Variants in PRORP observed in about 807,000 individuals in gnomAD.
PRORP encodes the protein mitochondrial ribonuclease P catalytic subunit.
A neutral mutation model predicts 59.4 loss-of-function variants in PRORP; 51 were observed. The ratio of observed to expected loss-of-function variants is 0.86; its 90% CI spans 0.69 to 1.08. The LOEUF is 1.08. PRORP is among the 50% of genes least tolerant of loss of function. The probability of loss-of-function intolerance (pLI) is 0.00; values close to 1 mark genes in which losing one functional copy is unlikely to be tolerated. For missense variants in PRORP, 646 were observed against 690.3 expected (o/e 0.94, Z 0.72); for synonymous variants, 231 against 245.6 (o/e 0.94, Z 0.55).
At chr14:35,125,520 T>C (rs1302111124) in intron 2 of PRORP, among the ~76,000 whole-genome samples, 2 of 152,186 alleles carry the variant, frequency 1.3e-5, no homozygotes, top group Admixed American at 1.3e-4. Flanking sequence ...CCATGCTTAG[T>C]CATTATTTCT....
chr14:35,252,190 TGAG>T (rs1403468173), intron 5 of PRORP, among the ~76,000 whole-genome samples: 10 of 152,024 alleles, frequency 6.6e-5, no homozygotes, highest in African/African-American at 2.4e-4. Context: ...TTTGGGAGGC[TGAG>T]GAGGGAGGAC....
At chr14:35,190,130 A>G (rs28398414) in intron 5 of PRORP, among the ~76,000 whole-genome samples, 4,433 of 143,056 alleles carry the variant, frequency 0.031, 191 homozygotes, top group African/African-American at 0.1. Flanking sequence ...TGGGCGCAGT[A>G]TCTCATGCCT....
At chr14:35,169,704 G>A (rs2138986966) in intron 4 of PRORP, among the ~76,000 whole-genome samples, 1 of 152,224 alleles carries the variant, frequency 6.6e-6, no homozygotes, top group East Asian at 1.9e-4. Flanking sequence ...TCAACACCTG[G>A]GGATTACAAT....
In PRORP at chr14:35,270,445, G is replaced by A; in HGVS notation, c.1469G>A (p.Gly490Glu). 1 of 1,614,070 alleles carries A rather than the reference G, an allele frequency of 6.2e-7. No homozygotes were observed. Among genetic ancestry groups the A allele is most frequent in the Non-Finnish European group, 8.5e-7 (1 of 1,180,022 alleles). The change falls in exon 7 of 8, where the codon GGG (glycine) becomes GAG (glutamate). Residue 490 changes from glycine to glutamate, a missense_variant. Coordinates refer to ENST00000534898, the MANE Select transcript of PRORP (RefSeq NM_014672.4). ...PFLLYATLHSGNHCRFITRDL... is the reference protein window; with the variant it reads ...PFLLYATLHSENHCRFITRDL... ...CTTCTGTATGCCACACTGCACTCCG[G>A]GAATCACTGCAGGTTTATCACAAGA...
At chr14:35,190,548 C>T (rs999459497) in intron 5 of PRORP, among the ~76,000 whole-genome samples, 15 of 152,010 alleles carry the variant, frequency 9.9e-5, no homozygotes, top group Non-Finnish European at 2.9e-5. Context: ...CTCTGTCACC[C>T]AGGCTGGAGT....
At chr14:35,238,019 G>A (rs1329436561) in intron 5 of PRORP, among the ~76,000 whole-genome samples, 1 of 151,846 alleles carries the variant, frequency 6.6e-6, no homozygotes, top group Non-Finnish European at 1.5e-5. Flanking sequence ...TAAATACAGT[G>A]CACATAGCCA....
rs112877428 is a variant in PRORP at position 35,184,115 on chromosome 14, A to G, written c.1275+3338A>G. ...TACACATTTTTCTCGGTCCTTTTAC[A>G]TTAATGGTTGATTATATATCTAGTA... is the stretch of plus-strand genomic sequence containing the variant. On this transcript the variant is annotated intron_variant, in intron 5 of 7. Transcript: ENST00000534898. Among the ~76,000 whole-genome samples, 4 of 152,000 alleles carry G rather than the reference A, an allele frequency of 2.6e-5. 1 individual carries two copies. The highest frequency in any genetic ancestry group is 9.6e-5 in the African/African-American group (4 of 41,470).
At chr14:35,241,317 G>C (rs1288709690) in intron 5 of PRORP, among the ~76,000 whole-genome samples, 3 of 152,068 alleles carry the variant, frequency 2.0e-5, no homozygotes, top group Non-Finnish European at 4.4e-5. Flanking sequence ...AGCAGAGGTT[G>C]CAGTGAGCTG....
At chr14:35,234,705 G>A (rs1287809515) in intron 5 of PRORP, among the ~76,000 whole-genome samples, 1 of 142,958 alleles carries the variant, frequency 7.0e-6, no homozygotes, top group Non-Finnish European at 1.5e-5. Context: ...AAGAGTAAGG[G>A]TCTCACTGTG....
At chr14:35,173,456 C>G in intron 4 of PRORP, among the ~76,000 whole-genome samples, 1 of 152,128 alleles carries the variant, frequency 6.6e-6, no homozygotes, top group Non-Finnish European at 1.5e-5. Flanking sequence ...TGCTGGGCTT[C>G]TTGGAATCTT....
intron 5 of PRORP, among the ~76,000 whole-genome samples, chr14:35,201,705 C>T (rs553737533): frequency 3.5e-4 from 52 of 146,910 alleles, no homozygotes; most frequent in African/African-American, 1.1e-3. Context: ...TGCAGTGGTG[C>T]GATCTTGCAG....
In PRORP at chr14:35,131,964, C is replaced by G. The variant is rs1422685475; in HGVS notation, c.1167+4353C>G. On this transcript the variant is annotated intron_variant, in intron 4 of 7. Coordinates refer to ENST00000534898, the MANE Select transcript of PRORP (RefSeq NM_014672.4). Reference sequence around the variant, plus strand: ...AAGTGATTCTCCTGCCTCAGCCTCCCAAGTAGCTGGGATTACAGGCACCTG... The same window carrying G: ...AAGTGATTCTCCTGCCTCAGCCTCCGAAGTAGCTGGGATTACAGGCACCTG... Among the ~76,000 whole-genome samples the G allele has an allele frequency of 2.6e-5, 4 of 151,988 alleles. 1 individual carries two copies. Among genetic ancestry groups the G allele is most frequent in the Admixed American group, 2.6e-4 (4 of 15,266 alleles).
chr14:35,183,004 A>G (rs2048653453), intron 5 of PRORP, among the ~76,000 whole-genome samples: 2 of 152,220 alleles, frequency 1.3e-5, no homozygotes. Context: ...ACATATTTAA[A>G]TATTAATTTT....
intron 4 of PRORP, among the ~76,000 whole-genome samples, chr14:35,177,060 G>A (rs968309012): frequency 6.6e-6 from 1 of 152,188 alleles, no homozygotes; most frequent in South Asian, 2.1e-4. Flanking sequence ...ATTTGCGTAT[G>A]TTGAACCAGC....
At chr14:35,129,615 C>T (rs2047185415) in intron 4 of PRORP, among the ~76,000 whole-genome samples, 1 of 151,910 alleles carries the variant, frequency 6.6e-6, no homozygotes, top group Non-Finnish European at 1.5e-5. Context: ...ACTGGAATTA[C>T]AGGCGCACAC....
intron 5 of PRORP, among the ~76,000 whole-genome samples, chr14:35,224,856 C>T (rs2049892929): frequency 6.6e-6 from 1 of 152,010 alleles, no homozygotes; most frequent in Non-Finnish European, 1.5e-5. Flanking sequence ...TGGTGTCTAG[C>T]TCTTGTTTGT....
intron 5 of PRORP, among the ~76,000 whole-genome samples, chr14:35,227,414 A>T (rs112210066): frequency 6.6e-6 from 1 of 151,920 alleles, no homozygotes; most frequent in Admixed American, 6.6e-5. Context: ...ACTGCACTCC[A>T]GCCTGGGTGA....
chr14:35,239,470 T>A (rs568739979), intron 5 of PRORP, among the ~76,000 whole-genome samples: 1 of 152,298 alleles, frequency 6.6e-6, no homozygotes, highest in South Asian at 2.1e-4. Context: ...GAGCCCCTTT[T>A]CTCCTCAGCA....
In PRORP at chr14:35,123,168, C is replaced by G; in HGVS notation, c.-78C>G. The stretch of plus-strand genomic sequence containing the variant: ...CACTTCGACTCTGCACCGCCGACCC[C>G]CAATCTCTTTAATTTTGCCATAGAA... On this transcript the variant is annotated 5_prime_UTR_variant, in exon 2 of 8. Transcript: ENST00000534898. 6.2e-6 allele frequency: 9 copies of G among 1,450,258 alleles called. No homozygotes were observed. In the South Asian group the frequency reaches 1.2e-4, roughly 19 times the overall value. 89.8% of individuals were successfully genotyped at this position (1,450,258 alleles called of 1,614,324 possible).
Sources: gnomAD v4.1 joint callset for allele counts (sites outside exome capture counted in the v4.1 genomes callset) on GRCh38, gnomAD v4.1.1 for gene constraint, MANE v1.5 for transcripts, NCBI Gene and HGNC (gene_info 2026-07-23, HGNC 2026-07-21) for gene names.